The following DOCK3 variants were observed in gnomAD, a reference collection of about 807,000 sequenced individuals.
DOCK3 encodes dedicator of cytokinesis protein 3.
Under a neutral mutation model 265.6 loss-of-function variants are expected in DOCK3, and 60 were observed. That is an observed-to-expected ratio of 0.23 (90% confidence interval 0.18 to 0.28). DOCK3 has a LOEUF of 0.28. Among genes scored for constraint, DOCK3 ranks in the 10% least tolerant of loss-of-function variants. The pLI is 1.00. For missense variants in DOCK3, 1,981 were observed against 2,594.3 expected (o/e 0.76, Z 5.14); for synonymous variants, 881 against 938.0 (o/e 0.94, Z 1.11).
At chr3:51,336,918 C>T (rs2084913717) in intron 35 of DOCK3, 1 of 455,720 alleles carries the variant, frequency 2.2e-6, no homozygotes, top group Admixed American at 2.4e-5. Flanking sequence ...CTTCATGGGG[C>T]CAACTTACTG....
At chr3:50,915,918 C>G (rs939221645) in intron 4 of DOCK3, among the ~76,000 whole-genome samples, 1 of 151,864 alleles carries the variant, frequency 6.6e-6, no homozygotes, top group African/African-American at 2.4e-5. Context: ...GGGGAGGGGT[C>G]TAACAGTTGC....
At chr3:51,312,693 A>G (rs2083149971) in intron 30 of DOCK3, 117 bp downstream of exon 30, 6 of 1,250,736 alleles carry the variant, frequency 4.8e-6, no homozygotes, top group Non-Finnish European at 6.6e-6. Flanking sequence ...CCAGGGGCCC[A>G]AGTGTGGGAG....
chr3:51,020,136 GT>G (rs2079521705), intron 5 of DOCK3, among the ~76,000 whole-genome samples: 4 of 151,958 alleles, frequency 2.6e-5, no homozygotes, highest in African/African-American at 9.7e-5. Context: ...AGCATCTGTT[GT>G]TTTTTGACTT....
chr3:50,739,811 G>A (rs2038896492), intron 1 of DOCK3, among the ~76,000 whole-genome samples: 1 of 151,884 alleles, frequency 6.6e-6, no homozygotes, highest in African/African-American at 2.4e-5. Flanking sequence ...TCTATCGATT[G>A]GCAACTATAC....
intron 1 of DOCK3, among the ~76,000 whole-genome samples, chr3:50,715,367 A>C (rs1260018251): frequency 6.6e-6 from 1 of 152,056 alleles, no homozygotes; most frequent in African/African-American, 2.4e-5. Context: ...CCTGGGCAAC[A>C]TAGTAGGACC....
intron 5 of DOCK3, among the ~76,000 whole-genome samples, chr3:51,039,133 C>A (rs1333494546): frequency 6.6e-6 from 1 of 151,866 alleles, no homozygotes; most frequent in Non-Finnish European, 1.5e-5. Context: ...GTATCTGGGA[C>A]TACAGGCATC....
chr3:51,284,452 A>G (rs1484897944), intron 27 of DOCK3, among the ~76,000 whole-genome samples: 2 of 152,226 alleles, frequency 1.3e-5, no homozygotes, highest in Non-Finnish European at 2.9e-5. Flanking sequence ...AGAAAGAACT[A>G]GGCATTTATT....
chr3:51,022,791 C>T (rs2108887834), intron 5 of DOCK3, among the ~76,000 whole-genome samples: 1 of 152,192 alleles, frequency 6.6e-6, no homozygotes, highest in African/African-American at 2.4e-5. Context: ...TCTAGTTTTT[C>T]TTCTAGGATA....
chr3:51,357,681 T>C, intron 44 of DOCK3, 77 bp from the exon 45 acceptor site: 1 of 1,454,832 alleles, frequency 6.9e-7, no homozygotes. Context: ...GTGGCATTAG[T>C]GGACTCAAGT....
intron 1 of DOCK3, among the ~76,000 whole-genome samples, chr3:50,689,565 C>T (rs965206314): frequency 2.8e-4 from 43 of 152,158 alleles, no homozygotes; most frequent in Admixed American, 7.2e-4. Flanking sequence ...GTCCCTCCCA[C>T]GACACATGGG....
chr3:51,078,514 A>G (rs2082126555), intron 7 of DOCK3, among the ~76,000 whole-genome samples: 1 of 152,226 alleles, frequency 6.6e-6, no homozygotes, highest in Admixed American at 6.5e-5. Context: ...CTCACTAGAG[A>G]TGGAGATGAG....
intron 5 of DOCK3, among the ~76,000 whole-genome samples, chr3:51,002,137 C>G (rs2078504641): frequency 6.6e-6 from 1 of 151,642 alleles, no homozygotes; most frequent in Non-Finnish European, 1.5e-5. Flanking sequence ...TTGGTAGAGA[C>G]AGAGTCTCAG....
chr3:51,253,496 G>T (rs1302738320), intron 22 of DOCK3, among the ~76,000 whole-genome samples: 1 of 152,016 alleles, frequency 6.6e-6, no homozygotes, highest in African/African-American at 2.4e-5. Flanking sequence ...TCTAGTCCTG[G>T]ACTTTTTTTG....
At chr3:51,119,315 G>A (rs114518780) in intron 9 of DOCK3, among the ~76,000 whole-genome samples, 7,918 of 152,202 alleles carry the variant, frequency 0.052, 283 homozygotes, top group Middle Eastern at 0.085. Context: ...TGGCTTATAC[G>A]GTTTCTACAG....
intron 27 of DOCK3, among the ~76,000 whole-genome samples, chr3:51,309,621 GAGCGAGAGCGA>G (rs2082942230): frequency 5.7e-4 from 1 of 1,740 alleles, no homozygotes; most frequent in Non-Finnish European, 1.0e-3. Context: ...GGGAGAGGGA[GAGCGAGAGCGA>G]GAGCGAGAGC....
At chr3:51,142,373 C>A (rs1221011821) in intron 9 of DOCK3, among the ~76,000 whole-genome samples, 3 of 152,142 alleles carry the variant, frequency 2.0e-5, no homozygotes, top group Non-Finnish European at 4.4e-5. Flanking sequence ...TCAAAAAGTT[C>A]CCTCATGTAC....
chr3:50,972,893 T>G (rs997865357), intron 5 of DOCK3, among the ~76,000 whole-genome samples: 1 of 151,862 alleles, frequency 6.6e-6, no homozygotes, highest in African/African-American at 2.4e-5. Flanking sequence ...TGGCTATTTT[T>G]TTTTTTTTAA....
At chr3:51,266,468 T>A (rs2080176043) in intron 23 of DOCK3, among the ~76,000 whole-genome samples, 1 of 152,206 alleles carries the variant, frequency 6.6e-6, no homozygotes, top group African/African-American at 2.4e-5. Flanking sequence ...ATGGTACTGG[T>A]ACCAAAACAG....
chr3:50,802,692 T>G (rs1010545911), intron 2 of DOCK3, among the ~76,000 whole-genome samples: 37 of 152,168 alleles, frequency 2.4e-4, no homozygotes, highest in African/African-American at 8.4e-4. Flanking sequence ...TCTCTCTTGC[T>G]GCTTTTAAAA....
Sources: gnomAD v4.1 joint callset for allele counts (sites outside exome capture counted in the v4.1 genomes callset) on GRCh38, gnomAD v4.1.1 for gene constraint, MANE v1.5 for transcripts, NCBI Gene and HGNC (gene_info 2026-07-23, HGNC 2026-07-21) for gene names.